Variants in CFAP299 observed in about 807,000 individuals in gnomAD.
CFAP299 encodes the protein cilia and flagella associated protein 299, also known as cilia- and flagella-associated protein 299.
Under a neutral mutation model 27.0 loss-of-function variants are expected in CFAP299, and 21 were observed. The observed-to-expected ratio is 0.78, with a 90% CI of 0.55 to 1.12. CFAP299 has a LOEUF of 1.12. Ranked by LOEUF, CFAP299 falls within the 50% of genes most tolerant of loss-of-function variation. CFAP299 has a pLI of 0.00. For missense variants in CFAP299, 310 were observed against 276.6 expected, an observed-to-expected ratio of 1.12 and a Z score of -0.86; for synonymous variants, 104 against 98.1, an observed-to-expected ratio of 1.06 and a Z score of -0.36.
chr4:80,358,432 G>A (rs1371414063), intron 1 of CFAP299, among the ~76,000 whole-genome samples: 1 of 152,098 alleles, frequency 6.6e-6, no homozygotes, highest in Admixed American at 6.5e-5. Context: ...GTCATAGGGT[G>A]TTAAAATCTC....
At chr4:80,394,340 T>G (rs1297422911) in intron 2 of CFAP299, among the ~76,000 whole-genome samples, 1 of 152,100 alleles carries the variant, frequency 6.6e-6, no homozygotes, top group Admixed American at 6.5e-5. Flanking sequence ...ATATTAACTC[T>G]TTTTCAGATG....
At chr4:80,911,772 C>G (rs1020640083) in intron 4 of CFAP299, among the ~76,000 whole-genome samples, 2 of 152,068 alleles carry the variant, frequency 1.3e-5, no homozygotes, top group Admixed American at 1.3e-4. Flanking sequence ...AGAAGCACTT[C>G]TTGAAGGGAA....
intron 3 of CFAP299, among the ~76,000 whole-genome samples, chr4:80,617,834 A>G (rs917773200): frequency 2.0e-5 from 3 of 152,114 alleles, no homozygotes; most frequent in African/African-American, 4.8e-5. Flanking sequence ...TGTGGTCAAA[A>G]CATTAACAGA....
chr4:80,866,059 TTATATATATATATATATATATATATA>T (rs70956073), intron 3 of CFAP299, among the ~76,000 whole-genome samples: 2 of 58,382 alleles, frequency 3.4e-5, no homozygotes, highest in Admixed American at 2.7e-4. Context: ...ACTTAAAGTA[TTATATATATATATATATATATATATA>T]TATATATATA....
At chr4:80,451,781 A>G (rs1014741562) in intron 2 of CFAP299, among the ~76,000 whole-genome samples, 10 of 152,242 alleles carry the variant, frequency 6.6e-5, no homozygotes, top group Non-Finnish European at 1.5e-4. Flanking sequence ...TAAACAAACT[A>G]TGCTATTGGC....
intron 2 of CFAP299, among the ~76,000 whole-genome samples, chr4:80,412,021 G>T (rs1481280557): frequency 6.6e-6 from 1 of 152,122 alleles, no homozygotes; most frequent in African/African-American, 2.4e-5. Flanking sequence ...CTAGGGGCTT[G>T]CATTAGGTCC....
At chr4:80,878,637 AT>A (rs1356056666) in intron 4 of CFAP299, among the ~76,000 whole-genome samples, 1 of 152,038 alleles carries the variant, frequency 6.6e-6, no homozygotes, top group Non-Finnish European at 1.5e-5. Context: ...TTTCTTTAAA[AT>A]TTACATTTTA....
chr4:80,529,969 A>G (rs906404411), intron 2 of CFAP299, among the ~76,000 whole-genome samples: 3 of 152,218 alleles, frequency 2.0e-5, no homozygotes, highest in African/African-American at 7.2e-5. Flanking sequence ...TAAAAACAGT[A>G]TTTAAAGATA....
At chr4:80,327,670 C>CAT in the CFAP299 span, among the ~76,000 whole-genome samples, 1 of 21,972 alleles carries the variant, frequency 4.6e-5, no homozygotes, top group African/African-American at 1.1e-4. Context: ...TTTATATATA[C>CAT]ATATATATAT....
At chr4:80,350,672 C>T (rs1391452855) in intron 1 of CFAP299, among the ~76,000 whole-genome samples, 2 of 152,106 alleles carry the variant, frequency 1.3e-5, no homozygotes, top group African/African-American at 4.8e-5. Context: ...CCTCGGCAAA[C>T]TAACACAGGA....
intron 2 of CFAP299, among the ~76,000 whole-genome samples, chr4:80,482,829 G>A (rs569034668): frequency 2.0e-5 from 3 of 152,270 alleles, no homozygotes; most frequent in Admixed American, 6.5e-5. Flanking sequence ...AGGTCTCAGT[G>A]AATTATAATG....
rs1722107991 is a variant in CFAP299 at position 80,335,867 on chromosome 4, G to A, written c.99G>A (p.Leu33=). The A allele has an allele frequency of 6.2e-7, 1 of 1,606,132 alleles. No individual in the cohort carries two copies. The highest frequency in any genetic ancestry group is 8.5e-7 in the Non-Finnish European group (1 of 1,172,676). ...FLDSQITTVD[L]YYLEDETLAR... ...ACTCGCAGATCACTACTGTGGACTT[G>A]TACTACCTGGAGGTAAGGGCGGAGC... Residue 33 remains leucine (L), a synonymous_variant, in exon 1 of 6, where the codon TTG becomes TTA. Transcript: ENST00000358105.
chr4:80,591,660 C>T (rs1225517833), intron 3 of CFAP299, among the ~76,000 whole-genome samples: 3 of 152,138 alleles, frequency 2.0e-5, no homozygotes, highest in African/African-American at 7.2e-5. Context: ...TGGAGGGGCA[C>T]AGAGCCAAGG....
chr4:80,960,933 A>T (rs552668850), intron 5 of CFAP299, among the ~76,000 whole-genome samples: 94 of 151,816 alleles, frequency 6.2e-4, no homozygotes, highest in Non-Finnish European at 1.2e-3. Flanking sequence ...TATAAACTGA[A>T]AATTACGCCT....
chr4:80,423,422 A>G (rs1283687226), intron 2 of CFAP299, among the ~76,000 whole-genome samples: 1 of 152,242 alleles, frequency 6.6e-6, no homozygotes, highest in African/African-American at 2.4e-5. Flanking sequence ...TAAGATGTCC[A>G]GCTAAATTTG....
At chr4:80,820,345 CTCTT>C (rs1177039828) in intron 3 of CFAP299, among the ~76,000 whole-genome samples, 8 of 152,140 alleles carry the variant, frequency 5.3e-5, no homozygotes, top group African/African-American at 1.9e-4. Context: ...ATAACAAAAA[CTCTT>C]TCCTTAGGAA....
At chr4:80,875,039 T>C (rs996485414) in intron 4 of CFAP299, among the ~76,000 whole-genome samples, 6 of 152,216 alleles carry the variant, frequency 3.9e-5, no homozygotes, top group African/African-American at 1.4e-4. Context: ...TTGTTTTTAA[T>C]GCGACTACTA....
intron 2 of CFAP299, among the ~76,000 whole-genome samples, chr4:80,380,335 C>T (rs943835729): frequency 2.0e-5 from 3 of 150,762 alleles, no homozygotes; most frequent in Non-Finnish European, 4.4e-5. Context: ...GGTGACAGCT[C>T]GCTAGTGATT....
At chr4:80,370,808 C>G (rs936517601) in intron 2 of CFAP299, among the ~76,000 whole-genome samples, 1 of 152,246 alleles carries the variant, frequency 6.6e-6, no homozygotes, top group East Asian at 1.9e-4. Context: ...GTGCCTGTGG[C>G]TTTTCCAGGC....
Sources: gnomAD v4.1 joint callset for allele counts (sites outside exome capture counted in the v4.1 genomes callset) on GRCh38, gnomAD v4.1.1 for gene constraint, MANE v1.5 for transcripts, NCBI Gene and HGNC (gene_info 2026-07-23, HGNC 2026-07-21) for gene names.